Variants in PCNX2 observed in about 807,000 individuals in gnomAD.
PCNX2 encodes the protein pecanex 2.
PCNX2 carries 168 observed loss-of-function variants against 223.8 expected under a neutral mutation model. The observed-to-expected ratio is 0.75, with a 90% CI of 0.66 to 0.85. The LOEUF (loss-of-function observed/expected upper bound fraction) is 0.85. Among genes scored for constraint, PCNX2 ranks in the 40% least tolerant of loss-of-function variants. The pLI is 0.00. For missense variants in PCNX2, 2,507 were observed against 2,675.5 expected (o/e 0.94, Z 1.39); for synonymous variants, 1,006 against 1,052.6 (o/e 0.96, Z 0.86).
At chr1:233,257,454 T>A (rs920058677) in intron 5 of PCNX2, among the ~76,000 whole-genome samples, 1 of 152,168 alleles carries the variant, frequency 6.6e-6, no homozygotes, top group Non-Finnish European at 1.5e-5. Context: ...TGGCAAAACA[T>A]GTGTAAATGA....
chr1:233,034,066 G>T (rs1254574151), intron 25 of PCNX2, among the ~76,000 whole-genome samples: 1 of 152,066 alleles, frequency 6.6e-6, no homozygotes, highest in Admixed American at 6.5e-5. Flanking sequence ...ACAAAAATTA[G>T]CCGGGCGTGG....
chr1:233,256,999 A>G (rs1291250506), intron 5 of PCNX2, among the ~76,000 whole-genome samples: 1 of 152,202 alleles, frequency 6.6e-6, no homozygotes, highest in East Asian at 1.9e-4. Context: ...TACAGATGCT[A>G]TCTCAATACA....
At chr1:233,221,327 A>T (rs1257467016) in intron 10 of PCNX2, among the ~76,000 whole-genome samples, 1 of 152,132 alleles carries the variant, frequency 6.6e-6, no homozygotes, top group Non-Finnish European at 1.5e-5. Flanking sequence ...TCATGATCTC[A>T]TAACATTTTG....
At chr1:233,212,202 G>A (rs1052481637) in intron 12 of PCNX2, among the ~76,000 whole-genome samples, 3 of 152,128 alleles carry the variant, frequency 2.0e-5, no homozygotes, top group Admixed American at 1.3e-4. Context: ...ACAGCTGGGG[G>A]CGGGCACCCA....
chr1:233,218,209 C>CCCA, intron 10 of PCNX2, 25 bp from the exon 11 acceptor site: 1 of 272,090 alleles, frequency 3.7e-6, no homozygotes. Flanking sequence ...TACATAAAAG[C>CCCA]AAAAAAAAAA....
At chr1:233,168,084 T>A (rs1298828699) in intron 17 of PCNX2, among the ~76,000 whole-genome samples, 3 of 152,138 alleles carry the variant, frequency 2.0e-5, no homozygotes, top group Non-Finnish European at 2.9e-5. Context: ...GTCTTAATAG[T>A]GAATTCTACT....
chr1:233,241,449 A>G, intron 8 of PCNX2: 1 of 862,826 alleles, frequency 1.2e-6, no homozygotes, highest in Non-Finnish European at 1.4e-6. Context: ...TAATACGTCT[A>G]AGAAAACAAG....
intron 1 of PCNX2, among the ~76,000 whole-genome samples, chr1:233,282,669 C>T (rs1302675186): frequency 6.6e-6 from 1 of 152,156 alleles, no homozygotes; most frequent in Non-Finnish European, 1.5e-5. Context: ...CTGCCACCAC[C>T]ATCTCTTGAC....
Position 233,258,451 on chromosome 1 carries a change from C to T in PCNX2, c.1411G>A (p.Gly471Arg), listed in dbSNP as rs141060055. The T allele has an allele frequency of 3.2e-5, 52 of 1,613,946 alleles. No individual in the cohort carries two copies. In the East Asian group the frequency reaches 4.9e-4, roughly 15 times the overall value. Residue 471 changes from glycine to arginine, a missense_variant, in exon 5 of 34, where the codon GGA becomes AGA. Gly to Arg is a moderately radical substitution (Grantham distance 125). Around this residue, in one of 3 missense-constraint regions of PCNX2, gnomAD observed 1,031 missense variants for 1,021.7 expected, o/e 1.01. Transcript: ENST00000258229. ...ATGGCATTTCCCCCCTCCCCAGATC[C>T]GTAGCCAGAACACTGATTGGTGGAT... ...RVSTNQCSGY[G>R]SGEGGNAIKD...
intron 15 of PCNX2, among the ~76,000 whole-genome samples, chr1:233,191,101 C>T (rs532646759): frequency 5.8e-4 from 89 of 152,264 alleles, no homozygotes; most frequent in South Asian, 1.2e-3. Flanking sequence ...TTCTAAAACC[C>T]TTTAAGAATT....
chr1:233,088,819 A>G (rs1346133011), intron 23 of PCNX2, among the ~76,000 whole-genome samples: 1 of 152,218 alleles, frequency 6.6e-6, no homozygotes, highest in East Asian at 1.9e-4. Flanking sequence ...CGGAGCAGTC[A>G]GAGAATAATC....
chr1:233,246,048 T>C (rs538302910), intron 8 of PCNX2, among the ~76,000 whole-genome samples: 1 of 152,366 alleles, frequency 6.6e-6, no homozygotes, highest in South Asian at 2.1e-4. Flanking sequence ...CTGGGACTTA[T>C]GAGCCATCAT....
the PCNX2 span, among the ~76,000 whole-genome samples, chr1:233,313,371 T>C: frequency 6.6e-6 from 1 of 152,090 alleles, no homozygotes; most frequent in South Asian, 2.1e-4. Context: ...TATTGTGGCA[T>C]GGGGGGATAG....
At chr1:233,007,942 G>C (rs975809409) in intron 28 of PCNX2, among the ~76,000 whole-genome samples, 5 of 152,156 alleles carry the variant, frequency 3.3e-5, no homozygotes, top group African/African-American at 1.2e-4. Context: ...GCCTCCCAAA[G>C]TGCTGAGATT....
intron 25 of PCNX2, among the ~76,000 whole-genome samples, chr1:233,040,953 C>A (rs1359163246): frequency 2.6e-5 from 4 of 152,144 alleles, no homozygotes; most frequent in South Asian, 2.1e-4. Context: ...TTCCTCTAAT[C>A]GTTCAACTTC....
intron 21 of PCNX2, among the ~76,000 whole-genome samples, chr1:233,128,022 C>T (rs1318442237): frequency 6.6e-6 from 1 of 152,130 alleles, no homozygotes; most frequent in Non-Finnish European, 1.5e-5. Context: ...AAGGAAAACG[C>T]CATTTAGAAA....
chr1:233,297,806 G>A (rs552131974), upstream of PCNX2, among the ~76,000 whole-genome samples: 4 of 152,142 alleles, frequency 2.6e-5, no homozygotes, highest in Non-Finnish European at 4.4e-5. Context: ...TGACATGATC[G>A]ATAGTACAGG....
At chr1:233,117,113 T>C (rs1571896911) in intron 21 of PCNX2, among the ~76,000 whole-genome samples, 1 of 152,094 alleles carries the variant, frequency 6.6e-6, no homozygotes, top group East Asian at 1.9e-4. Flanking sequence ...AATTTAAATA[T>C]CCCTACAACT....
chr1:233,111,609 G>A (rs541304507), intron 21 of PCNX2, among the ~76,000 whole-genome samples: 15 of 151,980 alleles, frequency 9.9e-5, no homozygotes, highest in Non-Finnish European at 2.2e-4. Flanking sequence ...TCCCTATGTT[G>A]TCCAGGGTGG....
Sources: allele counts gnomAD v4.1 joint callset (sites outside exome capture counted in the v4.1 genomes callset), GRCh38; gene constraint gnomAD v4.1.1; regional missense constraint gnomAD v4.1.1; transcripts MANE v1.5; gene names NCBI Gene and HGNC (gene_info 2026-07-23, HGNC 2026-07-21).